Variants in LAMC2 observed in about 807,000 individuals in gnomAD.
The protein encoded by LAMC2 is laminin subunit gamma 2.
A neutral mutation model predicts 140.2 loss-of-function variants in LAMC2; 97 were observed. That is an observed-to-expected ratio of 0.69 (90% CI 0.59 to 0.82). The LOEUF is 0.82. Among genes scored for constraint, LAMC2 ranks in the 40% least tolerant of loss-of-function variants. LAMC2 has a pLI of 0.00. For synonymous variants in LAMC2, 513 were observed against 540.2 expected (o/e 0.95, Z 0.70); for missense variants, 1,402 against 1,476.1 (o/e 0.95, Z 0.82).
At chr1:183,224,267 G>A (rs769964955) in intron 7 of LAMC2, among the ~76,000 whole-genome samples, 3 of 152,128 alleles carry the variant, frequency 2.0e-5, no homozygotes, top group Admixed American at 1.3e-4. Flanking sequence ...GCATAATATA[G>A]GGGAGAACTG....
In LAMC2 at chr1:183,232,678, T is replaced by A; in HGVS notation, c.2041T>A (p.Leu681Met). 1 of 1,613,290 alleles carries A rather than the reference T, an allele frequency of 6.2e-7. No homozygotes were observed. Among genetic ancestry groups the A allele is most frequent in the Non-Finnish European group, 8.5e-7 (1 of 1,179,892 alleles). ...TGCTAGCAGATCCCTTGGTCTCCAG[T>A]TGGCCAAGGTGAGGAGCCAAGAGAA... ...EGASRSLGLQ[L>M]AKVRSQENSY... The change falls in exon 14 of 23, where the codon TTG becomes ATG. Residue 681 changes from leucine (L) to methionine (M), a missense_variant. This residue lies in a region of LAMC2 where 670 missense variants were observed against 667.2 expected (regional missense o/e 1.00). Transcript: ENST00000264144.
chr1:183,246,168 T>C (rs60373176), downstream of LAMC2, among the ~76,000 whole-genome samples: 884 of 92,486 alleles, frequency 9.6e-3, 10 homozygotes, highest in African/African-American at 0.039. Flanking sequence ...AGACTCCGTC[T>C]CAAAAAAAAA....
In LAMC2 at chr1:183,222,202, G is replaced by T. The variant is rs773201097; in HGVS notation, c.754G>T (p.Val252Leu). Residue 252 changes from valine (V) to leucine (L), a missense_variant, in exon 6 of 23, where the codon GTG (valine) becomes TTG (leucine). Val to Leu is a conservative substitution (Grantham distance 32). Transcript: ENST00000264144. The part of the protein sequence containing the change: ...SAQRLDPVYF[V>L]APAKFLGNQQ... ...CCAACGACTAGACCCTGTCTATTTT[G>T]TGGCTCCTGGTATGTGAGGAATAAT... is the stretch of plus-strand genomic sequence containing the variant. The T allele has an allele frequency of 6.2e-7, 1 of 1,614,124 alleles. No individual in the cohort carries two copies. The highest frequency in any genetic ancestry group is 1.1e-5 in the South Asian group (1 of 91,086).
intron 1 of LAMC2, among the ~76,000 whole-genome samples, chr1:183,207,172 G>A (rs778012621): frequency 3.7e-4 from 56 of 152,170 alleles, no homozygotes; most frequent in Non-Finnish European, 1.9e-4. Context: ...GACCATGACG[G>A]AAACATTTTT....
chr1:183,252,836 T>C, the LAMC2 span: 2 of 890,582 alleles, frequency 2.2e-6, no homozygotes, highest in Non-Finnish European at 3.7e-6. Flanking sequence ...ACCCCATTTG[T>C]AGCCTTTTCT....
intron 1 of LAMC2, among the ~76,000 whole-genome samples, chr1:183,191,926 G>A (rs936065325): frequency 5.3e-5 from 8 of 152,094 alleles, no homozygotes; most frequent in Non-Finnish European, 1.2e-4. Flanking sequence ...CATTTAGTCA[G>A]AAATTAAACC....
At position 183,227,633 on chromosome 1, in the gene LAMC2, C is replaced by A; in HGVS notation, c.1404C>A (p.Phe468Leu). 1 of 1,614,200 alleles carries A rather than the reference C, an allele frequency of 6.2e-7. No individual in the cohort carries two copies. Among genetic ancestry groups the A allele is most frequent in the Non-Finnish European group, 8.5e-7 (1 of 1,180,044 alleles). The change falls in exon 10 of 23, where the codon TTC becomes TTA. Residue 468 changes from phenylalanine (F) to leucine (L), a missense_variant. Phe to Leu is a conservative substitution (Grantham distance 22). Around this residue, in one of 3 missense-constraint regions of LAMC2, gnomAD observed 723 missense variants for 783.3 expected, o/e 0.92. Coordinates refer to ENST00000264144, the MANE Select transcript of LAMC2 (RefSeq NM_005562.3). ...AGCCATGTCCCTGTCATAACGGGTT[C>A]AGCTGCTCAGTGATGCCGGAGACGG... ...SCKPCPCHNG[F>L]SCSVMPETEE...
intron 1 of LAMC2, among the ~76,000 whole-genome samples, chr1:183,187,384 A>ATGTT (rs1658187517): frequency 6.6e-6 from 1 of 152,124 alleles, no homozygotes; most frequent in African/African-American, 2.4e-5. Context: ...GGCATGAATA[A>ATGTT]TGTTTGAGCA....
At chr1:183,258,932 G>A in the LAMC2 span, among the ~76,000 whole-genome samples, 1 of 152,182 alleles carries the variant, frequency 6.6e-6, no homozygotes, top group African/African-American at 2.4e-5. Flanking sequence ...TGCTCAGGGA[G>A]ACTGATTTGA....
In LAMC2 at chr1:183,235,695, C is replaced by A. The variant is rs545568798; in HGVS notation, c.2421C>A (p.Ser807Arg). The change falls in exon 16 of 23, where the codon AGC becomes AGA. Residue 807 changes from serine (S) to arginine (R), a missense_variant. Ser to Arg is a moderately radical substitution (Grantham distance 110). This residue lies in a region of LAMC2 where 670 missense variants were observed against 667.2 expected (regional missense o/e 1.00). Transcript: ENST00000264144. ...AAGGAGTCGGAAGCGGAAGCGGTAG[C>A]CCGGACGGTGCTGTGGTGCAAGGGC... ...LHEGVGSGSGSPDGAVVQGLV... is the reference protein window; with the variant it reads ...LHEGVGSGSGRPDGAVVQGLV... 4 of 1,614,108 alleles carry A rather than the reference C, an allele frequency of 2.5e-6. No homozygotes were observed. The African/African-American group carries it at 4.0e-5, about 16-fold the overall frequency.
chr1:183,232,984 T>C (rs1659846913), intron 14 of LAMC2, 127 bp downstream of exon 14: 2 of 872,656 alleles, frequency 2.3e-6, no homozygotes, highest in African/African-American at 1.7e-5. Context: ...TGACAGGTTG[T>C]TGGACTTCTT....
chr1:183,225,777 C>A, intron 8 of LAMC2, 57 bp downstream of exon 8: 1 of 1,224,556 alleles, frequency 8.2e-7, no homozygotes, highest in Non-Finnish European at 1.2e-6. Flanking sequence ...TAATTTGATT[C>A]AGCTCTCTAA....
At chr1:183,224,510 T>C (rs1416208600) in intron 7 of LAMC2, among the ~76,000 whole-genome samples, 1 of 152,158 alleles carries the variant, frequency 6.6e-6, no homozygotes, top group Non-Finnish European at 1.5e-5. Flanking sequence ...GATGATAGTT[T>C]GGGTCGGGTC....
At chr1:183,232,472 G>A (rs1365715134) in intron 13 of LAMC2, 129 bp downstream of exon 13, 55 of 1,187,132 alleles carry the variant, frequency 4.6e-5, no homozygotes, top group Non-Finnish European at 6.5e-5. Flanking sequence ...TTGCAGAAGT[G>A]GAAGGACTGT....
At chr1:183,212,041 A>G (rs1240425325) in intron 2 of LAMC2, among the ~76,000 whole-genome samples, 1 of 151,892 alleles carries the variant, frequency 6.6e-6, no homozygotes, top group African/African-American at 2.4e-5. Flanking sequence ...CAGTGCTATT[A>G]TTTTGGAAGT....
chr1:183,220,034 T>C (rs2102218284), intron 4 of LAMC2, among the ~76,000 whole-genome samples: 1 of 152,334 alleles, frequency 6.6e-6, no homozygotes, highest in East Asian at 1.9e-4. Flanking sequence ...ACAACATAAG[T>C]GCTAAATAAA....
intron 18 of LAMC2, among the ~76,000 whole-genome samples, chr1:183,237,830 G>T (rs1338277720): frequency 6.6e-6 from 1 of 152,222 alleles, no homozygotes; most frequent in Non-Finnish European, 1.5e-5. Flanking sequence ...AGGCTGCAGT[G>T]AGCCATGATT....
chr1:183,245,858 A>G (rs944263408), downstream of LAMC2, among the ~76,000 whole-genome samples: 6 of 152,194 alleles, frequency 3.9e-5, no homozygotes, highest in Non-Finnish European at 7.3e-5. Flanking sequence ...GGATTCTTCA[A>G]TGGAATAGAT....
intron 7 of LAMC2, among the ~76,000 whole-genome samples, chr1:183,224,429 T>C (rs1284445093): frequency 6.6e-6 from 1 of 152,040 alleles, no homozygotes; most frequent in African/African-American, 2.4e-5. Context: ...TGCAGAGCCA[T>C]TGAGAGATTG....
Sources: gnomAD v4.1 joint callset for allele counts (sites outside exome capture counted in the v4.1 genomes callset) on GRCh38, gnomAD v4.1.1 for gene constraint, gnomAD v4.1.1 regional missense constraint, MANE v1.5 for transcripts, NCBI Gene and HGNC (gene_info 2026-07-23, HGNC 2026-07-21) for gene names.